Variants in BCAP31 observed in about 807,000 individuals in gnomAD.
BCAP31 encodes the protein B cell receptor associated protein 31.
For synonymous variants in BCAP31, 75 were observed against 80.9 expected (o/e 0.93, Z 0.39); for missense variants, 124 against 193.0 (o/e 0.64, Z 2.12).
chrX:153,701,035 C>A, intron 7 of BCAP31, 60 bp from the exon 8 acceptor site: 1 of 1,039,369 alleles, frequency 9.6e-7, no homozygotes, highest in Non-Finnish European at 1.3e-6. Flanking sequence ...TCCCCTGCCA[C>A]CTCCAGCCCC....
chrX:153,711,917 A>AG (rs1369590400), intron 4 of BCAP31, among the ~76,000 whole-genome samples: 17 of 109,420 alleles, frequency 1.6e-4, no homozygotes, highest in Middle Eastern at 4.7e-3. Flanking sequence ...AAAAAAAAAA[A>AG]AAAGAAAGAA....
At chrX:153,707,325 C>T (rs1241546588) in intron 4 of BCAP31, among the ~76,000 whole-genome samples, 1 of 109,410 alleles carries the variant, frequency 9.1e-6, no homozygotes, top group Non-Finnish European at 1.9e-5. Context: ...CACTCCCATA[C>T]CTGGCACACT....
intron 4 of BCAP31, among the ~76,000 whole-genome samples, chrX:153,712,158 A>G (rs1342201859): frequency 9.0e-6 from 1 of 111,095 alleles, no homozygotes; most frequent in Non-Finnish European, 1.9e-5. Context: ...ACAGTGGCTC[A>G]TGCCTGTAAT....
intron 4 of BCAP31, among the ~76,000 whole-genome samples, chrX:153,710,300 G>A (rs1286552845): frequency 9.0e-6 from 1 of 111,629 alleles, no homozygotes; most frequent in Non-Finnish European, 1.9e-5. Context: ...GGATGGTGGT[G>A]GCCCCACCAC....
At chrX:153,708,944 T>C (rs1557048687) in intron 4 of BCAP31, among the ~76,000 whole-genome samples, 1 of 111,921 alleles carries the variant, frequency 8.9e-6, no homozygotes, top group Non-Finnish European at 1.9e-5. Context: ...AATGAGAACA[T>C]GACTTGTGGC....
At chrX:153,722,804 G>A (rs1207556220) in intron 2 of BCAP31, among the ~76,000 whole-genome samples, 3 of 110,865 alleles carry the variant, frequency 2.7e-5, no homozygotes, top group African/African-American at 9.9e-5. Flanking sequence ...GTGACCCAGT[G>A]GTGCAAGTCT....
chrX:153,715,428 A>G (rs1303388734), intron 4 of BCAP31, 114 bp downstream of exon 4: 1 of 1,054,693 alleles, frequency 9.5e-7, no homozygotes, highest in East Asian at 3.1e-5. Flanking sequence ...GATCCAGGCC[A>G]CAGACTGAGG....
chrX:153,716,536 G>C (rs1223323644), intron 3 of BCAP31, among the ~76,000 whole-genome samples: 2 of 92,638 alleles, frequency 2.2e-5, no homozygotes, highest in African/African-American at 4.2e-5. Context: ...AGGCCAACGA[G>C]TTCAAGACCA....
At chrX:153,723,523 C>A in intron 1 of BCAP31, 1 of 1,165,360 alleles carries the variant, frequency 8.6e-7, no homozygotes, top group Middle Eastern at 2.3e-4. Context: ...CCCTCCAGCA[C>A]GTGTGTCAAC....
At chrX:153,709,563 G>A (rs2148375253) in intron 4 of BCAP31, among the ~76,000 whole-genome samples, 1 of 112,728 alleles carries the variant, frequency 8.9e-6, no homozygotes, top group African/African-American at 3.2e-5. Context: ...CCCCCGAAGT[G>A]CAAGGTTGGC....
chrX:153,701,592 G>A (rs1441482003), intron 7 of BCAP31, among the ~76,000 whole-genome samples: 1 of 112,935 alleles, frequency 8.9e-6, no homozygotes, highest in Non-Finnish European at 1.9e-5. Flanking sequence ...GCCTGCTAGG[G>A]AAGGTGCCTT....
intron 3 of BCAP31, among the ~76,000 whole-genome samples, chrX:153,719,264 C>T (rs930649074): frequency 9.0e-6 from 1 of 111,562 alleles, no homozygotes; most frequent in Admixed American, 9.6e-5. Flanking sequence ...TTACCCCCAC[C>T]CCAGACCCAA....
rs367861643 is a variant in BCAP31, at chrX:153,701,013, C to T, written c.703-38G>A. On this transcript the variant is annotated intron_variant, in intron 7 of 7. Coordinates refer to ENST00000345046, the MANE Select transcript of BCAP31 (RefSeq NM_001256447.2). ...AGAAATCCCACAGCAGTAGGTTGGCCGGGTCCACTCCTCCCCTGCCACCTC... is the reference window on the plus strand; with the variant it reads ...AGAAATCCCACAGCAGTAGGTTGGCTGGGTCCACTCCTCCCCTGCCACCTC... 258 of 1,158,286 alleles carry T rather than the reference C, an allele frequency of 2.2e-4. 2 individuals are homozygous for T. The highest frequency in any genetic ancestry group is 1.4e-3 in the Middle Eastern group (6 of 4,255).
intron 3 of BCAP31, among the ~76,000 whole-genome samples, chrX:153,720,565 C>A (rs965858666): frequency 9.0e-6 from 1 of 111,439 alleles, no homozygotes; most frequent in Non-Finnish European, 1.9e-5. Flanking sequence ...GGTTTCACCA[C>A]GTTGGCCAGG....
At chrX:153,723,031 G>A (rs1003296272) in intron 2 of BCAP31, 122 bp downstream of exon 2, 4 of 910,992 alleles carry the variant, frequency 4.4e-6, no homozygotes, top group Non-Finnish European at 6.0e-6. Context: ...CCCCACCCCA[G>A]ACAGGTTCTA....
At chrX:153,717,478 C>T (rs2091637191) in intron 3 of BCAP31, among the ~76,000 whole-genome samples, 1 of 112,539 alleles carries the variant, frequency 8.9e-6, no homozygotes, top group African/African-American at 3.2e-5. Flanking sequence ...CACTCTGTCA[C>T]CCAGGCTTGA....
In BCAP31 at chrX:153,718,186, G is replaced by A. The variant is rs943691429; in HGVS notation, c.194-2497C>T. 1.4e-4 allele frequency among the ~76,000 whole-genome samples: 15 copies of A among 109,716 alleles called. 1 individual carries two copies. Among genetic ancestry groups the A allele is most frequent in the Admixed American group, 8.8e-4 (9 of 10,234 alleles). ...CAAAAAATTAGCCGGGCATGGTGGC[G>A]GGCGCCTGTAACCTGCAGCTACTCG... On this transcript the variant is annotated intron_variant, in intron 3 of 7. Coordinates refer to ENST00000345046, the MANE Select transcript of BCAP31 (RefSeq NM_001256447.2).
intron 4 of BCAP31, among the ~76,000 whole-genome samples, chrX:153,713,194 G>A (rs782235560): frequency 1.7e-3 from 190 of 110,630 alleles, no homozygotes; most frequent in African/African-American, 6.1e-3. Context: ...GCGACAGAGT[G>A]AGACTCTGTC....
Position 153,715,833 on chromosome X carries a change from T to C in BCAP31, c.194-144A>G, listed in dbSNP as rs5987136. On this transcript the variant is annotated intron_variant, in intron 3 of 7. Coordinates refer to ENST00000345046, the MANE Select transcript of BCAP31 (RefSeq NM_001256447.2). Reference sequence around the variant, plus strand: ...CCAGTTCTTCCCACTTCTATGCACATACACCCCTCATGGGATGCTGTTATC... The same window carrying C: ...CCAGTTCTTCCCACTTCTATGCACACACACCCCTCATGGGATGCTGTTATC... 8,194 of 707,525 alleles carry C rather than the reference T, an allele frequency of 0.012. 431 individuals carry two copies. The African/African-American group carries it at 0.15, about 13-fold the overall frequency. The allele number at this position is 707,525 out of a possible 1,213,427, so 58.3% of individuals were successfully genotyped here.
Sources: allele counts gnomAD v4.1 joint callset (sites outside exome capture counted in the v4.1 genomes callset), GRCh38; gene constraint gnomAD v4.1.1; transcripts MANE v1.5; gene names NCBI Gene and HGNC (gene_info 2026-07-23, HGNC 2026-07-21).